Variants in DMD observed in about 807,000 individuals in gnomAD.
DMD encodes the protein mutant dystrophin.
Under a neutral mutation model 330.1 loss-of-function variants are expected in DMD, and 63 were observed. The ratio of observed to expected loss-of-function variants is 0.19; its 90% CI spans 0.16 to 0.24. DMD has a LOEUF of 0.24. DMD is among the 10% of genes least tolerant of loss of function. DMD has a pLI of 1.00. For synonymous variants in DMD, 1,223 were observed against 959.8 expected, an observed-to-expected ratio of 1.27 and a Z score of -5.07; for missense variants, 3,344 against 2,684.1, an observed-to-expected ratio of 1.25 and a Z score of -5.43.
intron 9 of DMD, among the ~76,000 whole-genome samples, chrX:32,669,478 ACAAT>A (rs1049674398): frequency 8.9e-6 from 1 of 111,883 alleles, no homozygotes; most frequent in Non-Finnish European, 1.9e-5. Context: ...GATCAACAAA[ACAAT>A]CAATCAAATA....
intron 59 of DMD, among the ~76,000 whole-genome samples, chrX:31,453,297 G>T (rs1955594166): frequency 9.0e-6 from 1 of 111,123 alleles, no homozygotes; most frequent in Non-Finnish European, 1.9e-5. Context: ...AAGTAGCTGG[G>T]ATTACAGGTG....
chrX:32,981,316 C>G (rs753384880), intron 2 of DMD, among the ~76,000 whole-genome samples: 1 of 111,986 alleles, frequency 8.9e-6, no homozygotes, highest in African/African-American at 3.2e-5. Context: ...AACTCTAGTA[C>G]CAAGATTGAC....
chrX:33,314,334 T>G (rs1392907353), intron 1 of DMD, among the ~76,000 whole-genome samples: 2 of 109,583 alleles, frequency 1.8e-5, no homozygotes, highest in Non-Finnish European at 3.8e-5. Flanking sequence ...CTCGGCTCAC[T>G]GCAACCTCTA....
chrX:32,621,119 C>G (rs925070635), intron 11 of DMD, among the ~76,000 whole-genome samples: 4 of 110,748 alleles, frequency 3.6e-5, no homozygotes, highest in Admixed American at 1.9e-4. Flanking sequence ...GAAATGAGAG[C>G]AATTGAATTG....
intron 21 of DMD, among the ~76,000 whole-genome samples, chrX:32,477,605 T>C (rs2041369342): frequency 9.0e-6 from 1 of 110,849 alleles, no homozygotes; most frequent in Non-Finnish European, 1.9e-5. Context: ...CATGAGTCTA[T>C]GTCAAGGGCA....
At chrX:31,831,710 T>C (rs5927878) in intron 49 of DMD, among the ~76,000 whole-genome samples, 47,829 of 109,642 alleles carry the variant, frequency 0.44, 7,640 homozygotes, top group African/African-American at 0.52. Flanking sequence ...GCCATTCTCC[T>C]GCCTCAGCCT....
intron 7 of DMD, among the ~76,000 whole-genome samples, chrX:32,789,263 G>T (rs2075641807): frequency 8.9e-6 from 1 of 112,227 alleles, no homozygotes; most frequent in African/African-American, 3.2e-5. Flanking sequence ...TAACAGAACT[G>T]TTAGCAATAA....
intron 1 of DMD, among the ~76,000 whole-genome samples, chrX:33,338,460 A>AAAATAAATAAAT (rs76681558): frequency 5.7e-3 from 586 of 102,241 alleles, no homozygotes; most frequent in Middle Eastern, 0.01. Context: ...ATTAAAGGGC[A>AAAATAAATAAAT]AAATAAATAA....
At chrX:31,297,211 C>G (rs2054256471) in intron 62 of DMD, among the ~76,000 whole-genome samples, 1 of 110,511 alleles carries the variant, frequency 9.0e-6, no homozygotes. Flanking sequence ...TCTTCCAAAT[C>G]CCAAAGTTTA....
intron 29 of DMD, among the ~76,000 whole-genome samples, chrX:32,437,153 G>T (rs2098264554): frequency 8.9e-6 from 1 of 111,846 alleles, no homozygotes; most frequent in Non-Finnish European, 1.9e-5. Context: ...ATTTGACTCA[G>T]ATCCAGCAAT....
chrX:32,205,200 A>C, intron 44 of DMD, among the ~76,000 whole-genome samples: 1 of 98,472 alleles, frequency 1.0e-5, no homozygotes, highest in Non-Finnish European at 2.0e-5. Context: ...ACACTAGCAT[A>C]CTAGATTTAA....
rs754114924 is a variant in DMD, at chrX:32,889,675, C to A, written c.94-39855G>T. On this transcript the variant is annotated intron_variant, in intron 2 of 78. Coordinates refer to ENST00000357033, the MANE Select transcript of DMD (RefSeq NM_004006.3). ...GAAGGTTCTTTGTCATTCTCCCCAC[C>A]CTTGAGAATGTACTTTGTGAGATCC... Among the ~76,000 whole-genome samples, 57 of 111,109 alleles carry A rather than the reference C, an allele frequency of 5.1e-4. 1 individual carries two copies. The highest frequency in any genetic ancestry group is 9.1e-4 in the Non-Finnish European group (48 of 52,988).
At chrX:31,238,805 C>A (rs1289176771) in intron 63 of DMD, among the ~76,000 whole-genome samples, 1 of 111,405 alleles carries the variant, frequency 9.0e-6, no homozygotes, top group African/African-American at 3.3e-5. Context: ...ACCATGATAC[C>A]GGGCAAGGAG....
intron 8 of DMD, 121 bp from the exon 9 acceptor site, chrX:32,698,119 T>A (rs759808096): frequency 1.3e-6 from 1 of 751,761 alleles, no homozygotes; most frequent in Admixed American, 3.0e-5. Context: ...TGAGATTCAA[T>A]GTTTAATACT....
chrX:33,118,357 G>A (rs1388152245), intron 1 of DMD, among the ~76,000 whole-genome samples: 2 of 110,519 alleles, frequency 1.8e-5, no homozygotes, highest in Non-Finnish European at 3.8e-5. Context: ...TGATCCGCCC[G>A]CCTCGGCCTC....
chrX:33,169,741 A>G (rs2049239864), intron 1 of DMD, among the ~76,000 whole-genome samples: 1 of 111,112 alleles, frequency 9.0e-6, no homozygotes, highest in African/African-American at 3.3e-5. Context: ...TGTTACACAA[A>G]TGAGTTCTAT....
chrX:32,232,519 C>T (rs1375597677), intron 43 of DMD, among the ~76,000 whole-genome samples: 2 of 111,528 alleles, frequency 1.8e-5, no homozygotes, highest in Non-Finnish European at 3.8e-5. Flanking sequence ...TGCAAATTTA[C>T]TGAACTGAAA....
At chrX:32,768,688 A>G (rs1334990217) in intron 7 of DMD, among the ~76,000 whole-genome samples, 1 of 112,137 alleles carries the variant, frequency 8.9e-6, no homozygotes, top group Non-Finnish European at 1.9e-5. Flanking sequence ...TTAACATAGA[A>G]TTGAATCTAA....
At chrX:31,775,196 C>T (rs1294729590) in intron 50 of DMD, among the ~76,000 whole-genome samples, 3 of 109,066 alleles carry the variant, frequency 2.8e-5, no homozygotes, top group African/African-American at 1.0e-4. Flanking sequence ...AAGCAATACA[C>T]GTATGACAAT....
Sources: gnomAD v4.1 joint callset for allele counts (sites outside exome capture counted in the v4.1 genomes callset) on GRCh38, gnomAD v4.1.1 for gene constraint, MANE v1.5 for transcripts, NCBI Gene and HGNC (gene_info 2026-07-23, HGNC 2026-07-21) for gene names.